The following CYP51A1 variants were observed in gnomAD, a reference collection of about 807,000 sequenced individuals.
CYP51A1 encodes the protein cytochrome P450 family 51 subfamily A member 1.
Under a neutral mutation model 53.5 loss-of-function variants are expected in CYP51A1, and 45 were observed. The observed-to-expected ratio is 0.84, with a 90% confidence interval of 0.66 to 1.08. The LOEUF (loss-of-function observed/expected upper bound fraction) is 1.08, where lower values mean the gene tolerates loss of function less well. Ranked by LOEUF, CYP51A1 falls within the 50% of genes least tolerant of loss-of-function variation. The probability of loss-of-function intolerance (pLI) is 0.00; values close to 1 mark genes in which losing one functional copy is unlikely to be tolerated. For missense variants in CYP51A1, 462 were observed against 621.7 expected, an observed-to-expected ratio of 0.74 and a Z score of 2.73; for synonymous variants, 181 against 217.7, an observed-to-expected ratio of 0.83 and a Z score of 1.48.
intron 8 of CYP51A1, 94 bp downstream of exon 8, chr7:92,118,426 T>G: frequency 1.3e-6 from 1 of 773,508 alleles, no homozygotes; most frequent in Non-Finnish European, 2.3e-6. Flanking sequence ...TCCCAAAGTG[T>G]TGAGATTACA....
intron 5 of CYP51A1, 71 bp downstream of exon 5, chr7:92,126,182 G>A: frequency 9.3e-7 from 1 of 1,075,486 alleles, no homozygotes; most frequent in Non-Finnish European, 1.3e-6. Context: ...CTTTGTTAAG[G>A]CAAAGCATAC....
chr7:92,129,242 T>A (rs1819870983), intron 2 of CYP51A1, among the ~76,000 whole-genome samples, 186 bp from the exon 3 acceptor site: 1 of 152,254 alleles, frequency 6.6e-6, no homozygotes, highest in Admixed American at 6.5e-5. Flanking sequence ...GTTCATTTAG[T>A]TGCAAATGTA....
At chr7:92,116,029 T>C (rs1467651726) in intron 9 of CYP51A1, among the ~76,000 whole-genome samples, 1 of 152,206 alleles carries the variant, frequency 6.6e-6, no homozygotes, top group Admixed American at 6.5e-5. Flanking sequence ...CCCAGCACTG[T>C]GGGAGGCCAA....
chr7:92,124,027 T>C lies in CYP51A1; in HGVS notation c.771-174A>G, dbSNP rs1363875036. ...GAACATACTGGAAGTCATGAAAATC[T>C]TACATTGTTAAAAATGTCCATAGTC... On this transcript the variant is annotated intron_variant, in intron 5 of 9. Coordinates refer to ENST00000003100, the MANE Select transcript of CYP51A1 (RefSeq NM_000786.4). 2.6e-5 allele frequency among the ~76,000 whole-genome samples: 4 copies of C among 152,180 alleles called. No individual in the cohort carries two copies. The South Asian group carries it at 8.3e-4, about 32-fold the overall frequency.
Position 92,134,384 on chromosome 7 carries a change from G to A in CYP51A1, c.-20C>T. ...CGCCATTCACTCCGTCGGAAACACTGAAGGCCGAGGTCGCCACCGCTCCTC... is the reference window on the plus strand; with the variant it reads ...CGCCATTCACTCCGTCGGAAACACTAAAGGCCGAGGTCGCCACCGCTCCTC... On this transcript the variant is annotated 5_prime_UTR_variant, in exon 1 of 10. Coordinates refer to ENST00000003100, the MANE Select transcript of CYP51A1 (RefSeq NM_000786.4). 6.4e-7 allele frequency: 1 copy of A among 1,550,796 alleles called. No homozygotes were observed. The highest frequency in any genetic ancestry group is 8.7e-7 in the Non-Finnish European group (1 of 1,144,056).
chr7:92,122,728 A>G (rs1481322546), intron 7 of CYP51A1, among the ~76,000 whole-genome samples: 1 of 152,186 alleles, frequency 6.6e-6, no homozygotes, highest in Non-Finnish European at 1.5e-5. Flanking sequence ...TACTACTACT[A>G]CTACTTTTAG....
At chr7:92,117,326 T>A in intron 8 of CYP51A1, 114 bp from the exon 9 acceptor site, 1 of 828,864 alleles carries the variant, frequency 1.2e-6, no homozygotes, top group Non-Finnish European at 1.8e-6. Flanking sequence ...GCTCCTTGAC[T>A]TATGATAGGT....
intron 7 of CYP51A1, among the ~76,000 whole-genome samples, chr7:92,121,725 C>T (rs1427046425): frequency 1.3e-5 from 2 of 152,148 alleles, no homozygotes; most frequent in South Asian, 2.1e-4. Flanking sequence ...CAAAAGACTA[C>T]AAATTGTATG....
chr7:92,114,312 G>A (rs1308895691), intron 9 of CYP51A1, among the ~76,000 whole-genome samples: 1 of 152,092 alleles, frequency 6.6e-6, no homozygotes, highest in African/African-American at 2.4e-5. Context: ...CTGACAAGCT[G>A]ATTCTAAAAT....
In CYP51A1 at chr7:92,113,469, A is replaced by G; in HGVS notation, c.*196T>C. 1 of 538,152 alleles carries G rather than the reference A, an allele frequency of 1.9e-6. No homozygotes were observed. The highest frequency in any genetic ancestry group is 3.2e-6 in the Non-Finnish European group (1 of 311,998). 33.3% of individuals were successfully genotyped at this position (538,152 alleles called of 1,614,324 possible). A position where few individuals can be genotyped will look rare whatever the true frequency, so the allele number is the denominator to read the frequency against. On this transcript the variant is annotated 3_prime_UTR_variant, in exon 10 of 10. Transcript: ENST00000003100. ...AAGCACATGTATAAGTATCATAACT[A>G]TTAGAAAATGTTTCAAATGCTATTA...
At chr7:92,124,902 G>C (rs1296008397) in intron 5 of CYP51A1, among the ~76,000 whole-genome samples, 1 of 152,182 alleles carries the variant, frequency 6.6e-6, no homozygotes, top group Non-Finnish European at 1.5e-5. Flanking sequence ...CCAGCACTAT[G>C]GGAGGCCGAG....
intron 5 of CYP51A1, 128 bp from the exon 6 acceptor site, chr7:92,123,981 T>A: frequency 1.5e-6 from 1 of 689,218 alleles, no homozygotes; most frequent in Non-Finnish European, 2.3e-6. Context: ...CTAAAATAAT[T>A]GACAAAAAAA....
Position 92,134,360 on chromosome 7 carries a change from G to T in CYP51A1, c.5C>A (p.Ala2Glu). 6.3e-7 allele frequency: 1 copy of T among 1,578,614 alleles called. No individual in the cohort carries two copies. The highest frequency in any genetic ancestry group is 1.4e-5 in the African/African-American group (1 of 73,824). Reference sequence around the variant, plus strand: ...CAGCAGCAGCATCCCAGCCGCCGCCGCCATTCACTCCGTCGGAAACACTGA... The same window carrying T: ...CAGCAGCAGCATCCCAGCCGCCGCCTCCATTCACTCCGTCGGAAACACTGA... Reference protein sequence around the residue: MAAAAGMLLLGL... With the variant: MEAAAGMLLLGL... The change falls in exon 1 of 10, where the codon GCG becomes GAG. Residue 2 changes from alanine to glutamate, a missense_variant. Transcript: ENST00000003100.
chr7:92,125,912 T>A (rs1392505158), intron 5 of CYP51A1, among the ~76,000 whole-genome samples: 1 of 152,072 alleles, frequency 6.6e-6, no homozygotes, highest in Non-Finnish European at 1.5e-5. Flanking sequence ...GGAGAATTGC[T>A]TGAACACAGG....
At chr7:92,133,052 T>A (rs993018464) in intron 1 of CYP51A1, among the ~76,000 whole-genome samples, 3 of 152,024 alleles carry the variant, frequency 2.0e-5, no homozygotes, top group Non-Finnish European at 2.9e-5. Context: ...AGGAAAAAAA[T>A]AAATAAATAA....
intron 7 of CYP51A1, among the ~76,000 whole-genome samples, chr7:92,121,482 A>G (rs1296074056): frequency 1.3e-5 from 2 of 152,180 alleles, no homozygotes; most frequent in African/African-American, 4.8e-5. Flanking sequence ...TGACCCCCCA[A>G]AATTGAAAAC....
rs140753391 is a variant in CYP51A1, at chr7:92,114,089, T to C, written c.1352-246A>G. 6.1e-3 allele frequency among the ~76,000 whole-genome samples: 933 copies of C among 152,280 alleles called. 5 individuals carry two copies. The highest frequency in any genetic ancestry group is 0.011 in the Non-Finnish European group (776 of 68,002). ...TCCAATTACTTTTTCTGAAAATATA[T>C]ATCTGGGTTAAATATATGGAAAGTT... On this transcript the variant is annotated intron_variant, in intron 9 of 9. Transcript: ENST00000003100.
intron 8 of CYP51A1, 187 bp from the exon 9 acceptor site, chr7:92,117,399 A>T: frequency 2.0e-6 from 1 of 509,642 alleles, no homozygotes; most frequent in Non-Finnish European, 3.4e-6. Flanking sequence ...TAAATCAAGA[A>T]CCATCTGTAC....
chr7:92,128,455 T>TGTGC (rs759739146), intron 3 of CYP51A1, among the ~76,000 whole-genome samples: 62 of 102,044 alleles, frequency 6.1e-4, no homozygotes, highest in African/African-American at 8.4e-4. Flanking sequence ...TGTGTGTGTG[T>TGTGC]GCGCGTGCGT....
Sources: gnomAD v4.1 joint callset for allele counts (sites outside exome capture counted in the v4.1 genomes callset) on GRCh38, gnomAD v4.1.1 for gene constraint, MANE v1.5 for transcripts, NCBI Gene and HGNC (gene_info 2026-07-23, HGNC 2026-07-21) for gene names.